The following NAV3 variants were observed in gnomAD, a reference collection of about 807,000 sequenced individuals.
NAV3 encodes the protein neuron navigator 3.
Under a neutral mutation model 244.7 loss-of-function variants are expected in NAV3, and 87 were observed. That is an observed-to-expected ratio of 0.36 (90% CI 0.30 to 0.42). The LOEUF (loss-of-function observed/expected upper bound fraction) is 0.42. Ranked by LOEUF, NAV3 falls within the 20% of genes least tolerant of loss-of-function variation. The pLI is 1.00. For missense variants in NAV3, 2,663 were observed against 2,893.3 expected, an observed-to-expected ratio of 0.92 and a Z score of 1.83; for synonymous variants, 1,126 against 1,042.2, an observed-to-expected ratio of 1.08 and a Z score of -1.55.
intron 2 of NAV3, among the ~76,000 whole-genome samples, chr12:77,659,876 G>A (rs578018009): frequency 2.2e-4 from 33 of 150,450 alleles, no homozygotes; most frequent in Middle Eastern, 6.8e-3. Context: ...ACCAAACACA[G>A]CATGTTCTCA....
At chr12:77,669,670 G>A (rs1424070594) in intron 2 of NAV3, among the ~76,000 whole-genome samples, 1 of 152,022 alleles carries the variant, frequency 6.6e-6, no homozygotes, top group African/African-American at 2.4e-5. Flanking sequence ...AAATATATAT[G>A]CACCTAACAC....
chr12:78,171,432 T>C (rs1957993636), intron 24 of NAV3, among the ~76,000 whole-genome samples: 1 of 151,688 alleles, frequency 6.6e-6, no homozygotes, highest in African/African-American at 2.4e-5. Flanking sequence ...TGGAATTCTT[T>C]TGCTCAGAAA....
intron 2 of NAV3, among the ~76,000 whole-genome samples, chr12:77,677,198 T>C (rs1315386344): frequency 6.6e-6 from 1 of 152,244 alleles, no homozygotes; most frequent in Non-Finnish European, 1.5e-5. Context: ...GCAACAAATA[T>C]TGATTTAGTA....
intron 2 of NAV3, among the ~76,000 whole-genome samples, chr12:77,825,057 A>G (rs1872917765): frequency 6.6e-6 from 1 of 152,214 alleles, no homozygotes; most frequent in Admixed American, 6.5e-5. Context: ...AAGGGAAAAT[A>G]CAATGGTGTG....
intron 2 of NAV3, among the ~76,000 whole-genome samples, chr12:77,749,701 T>C (rs1046481206): frequency 2.0e-5 from 3 of 152,072 alleles, no homozygotes; most frequent in Non-Finnish European, 4.4e-5. Context: ...ATAATAGCAA[T>C]ACAGTAAAGA....
intron 1 of NAV3, among the ~76,000 whole-genome samples, chr12:77,926,130 C>T (rs1888192399): frequency 6.6e-6 from 1 of 152,160 alleles, no homozygotes; most frequent in Non-Finnish European, 1.5e-5. Flanking sequence ...CACAGAGGCT[C>T]TTAAACACAG....
chr12:78,035,819 T>C (rs1566042857), intron 9 of NAV3, among the ~76,000 whole-genome samples: 1 of 152,218 alleles, frequency 6.6e-6, no homozygotes, highest in African/African-American at 2.4e-5. Context: ...CTTTGTTCTT[T>C]AAAAGATTAG....
intron 1 of NAV3, among the ~76,000 whole-genome samples, chr12:77,914,048 A>G (rs1886885741): frequency 6.6e-6 from 1 of 151,820 alleles, no homozygotes; most frequent in African/African-American, 2.4e-5. Flanking sequence ...GAGCCATGAG[A>G]TTTTAAGGAA....
chr12:78,188,622 G>A lies in NAV3; in HGVS notation c.5900G>A (p.Arg1967Gln), dbSNP rs748365484. The part of the protein sequence containing the change: ...IRRLFKEYVF[R>Q]IDTSTSLGLS... ...GTACCATTGTAGGAATATGTATTCC[G>A]AATTGATACATCCACTAGCCTTGGT... is the stretch of plus-strand genomic sequence containing the variant. Residue 1967 changes from arginine (R) to glutamine (Q), a missense_variant, in exon 33 of 40, where the codon CGA (arginine) becomes CAA (glutamine). Physicochemically the swap from Arg to Gln is conservative, Grantham distance 43. Coordinates refer to ENST00000397909, the MANE Select transcript of NAV3 (RefSeq NM_001024383.2). 13 of 1,610,616 alleles carry A rather than the reference G, an allele frequency of 8.1e-6. No individual in the cohort carries two copies. Among genetic ancestry groups the A allele is most frequent in the East Asian group, 2.2e-5 (1 of 44,784 alleles).
intron 39 of NAV3, among the ~76,000 whole-genome samples, chr12:78,205,788 A>G (rs978390975): frequency 6.6e-6 from 1 of 152,154 alleles, no homozygotes; most frequent in African/African-American, 2.4e-5. Flanking sequence ...CTTTCAATAT[A>G]TTGGTATCAA....
At chr12:77,961,898 A>G (rs1162022595) in intron 3 of NAV3, among the ~76,000 whole-genome samples, 2 of 151,872 alleles carry the variant, frequency 1.3e-5, no homozygotes, top group Non-Finnish European at 2.9e-5. Context: ...GTTATGATAT[A>G]TACTTTAATA....
At chr12:78,177,556 C>A in intron 27 of NAV3, 64 bp from the exon 28 acceptor site, 1 of 1,456,878 alleles carries the variant, frequency 6.9e-7, no homozygotes, top group Non-Finnish European at 9.4e-7. Flanking sequence ...TTTTCTGAAT[C>A]ATGATTCTCA....
chr12:78,036,888 G>T (rs952256022), intron 9 of NAV3: 11 of 700,720 alleles, frequency 1.6e-5, no homozygotes, highest in Non-Finnish European at 2.6e-5. Context: ...TGAACTCTCT[G>T]TGTTCCGGAG....
At chr12:77,940,480 C>A (rs2137474030) in intron 2 of NAV3, 44 bp downstream of exon 2, 1 of 1,485,984 alleles carries the variant, frequency 6.7e-7, no homozygotes, top group Middle Eastern at 1.7e-4. Flanking sequence ...TCTCTGCTCC[C>A]ATCTCTTTGG....
rs188990475 is a variant in NAV3, at chr12:77,572,262, A to G, written c.68A>G (p.Lys23Arg). The G allele has an allele frequency of 1.3e-5, 2 of 154,494 alleles. 1 individual carries two copies. The highest frequency in any genetic ancestry group is 1.3e-4 in the Admixed American group (2 of 15,308). The allele number at this position is 154,494 out of a possible 1,614,324, so 9.6% of individuals were successfully genotyped here. A position where few individuals can be genotyped will look rare whatever the true frequency, so the allele number is the denominator to read the frequency against. The change falls in exon 2 of 9, where the codon AAG (lysine) becomes AGG (arginine). Residue 23 changes from lysine (K) to arginine (R), a missense_variant. Transcript: ENST00000550042. Reference sequence around the variant, plus strand: ...GTGAGTCACAAGCTAGAAGATCAGAAGAAGGTAAAAGAAATTTCTCTTTGC... The same window carrying G: ...GTGAGTCACAAGCTAGAAGATCAGAGGAAGGTAAAAGAAATTTCTCTTTGC...
chr12:77,832,906 T>A (rs926299262), intron 1 of NAV3, among the ~76,000 whole-genome samples: 1 of 152,194 alleles, frequency 6.6e-6, no homozygotes, highest in Non-Finnish European at 1.5e-5. Context: ...AGGAAATATT[T>A]TCATTTTACT....
chr12:78,048,984 C>T (rs543030666), intron 9 of NAV3, among the ~76,000 whole-genome samples: 2 of 152,306 alleles, frequency 1.3e-5, no homozygotes, highest in East Asian at 1.9e-4. Flanking sequence ...GGGCTCTGCC[C>T]AGTCCAAAAT....
At chr12:77,930,572 G>A (rs993986351) in intron 1 of NAV3, among the ~76,000 whole-genome samples, 1 of 151,296 alleles carries the variant, frequency 6.6e-6, no homozygotes, top group Non-Finnish European at 1.5e-5. Context: ...ATTTCTCTTT[G>A]TTCCAATGTA....
intron 8 of NAV3, among the ~76,000 whole-genome samples, chr12:78,011,065 A>T (rs2136656426): frequency 6.6e-6 from 1 of 152,284 alleles, no homozygotes; most frequent in Non-Finnish European, 1.5e-5. Context: ...ATTCTTATTC[A>T]TTTATCAAAT....
Sources: gnomAD v4.1 joint callset for allele counts (sites outside exome capture counted in the v4.1 genomes callset) on GRCh38, gnomAD v4.1.1 for gene constraint, MANE v1.5 for transcripts, NCBI Gene and HGNC (gene_info 2026-07-23, HGNC 2026-07-21) for gene names.